The following XRCC4 variants were observed in gnomAD, a reference collection of about 807,000 sequenced individuals.
XRCC4 encodes DNA repair protein XRCC4.
In XRCC4, 28 loss-of-function variants were observed where a neutral mutation model predicts 39.1. That is an observed-to-expected ratio of 0.72 (90% confidence interval 0.53 to 0.98). The LOEUF is 0.98. Among genes scored for constraint, XRCC4 ranks in the 50% least tolerant of loss-of-function variants. The pLI, the probability that XRCC4 is intolerant of heterozygous loss-of-function variation, is 0.00. For missense variants in XRCC4, 350 were observed against 376.4 expected, an observed-to-expected ratio of 0.93 and a Z score of 0.58; for synonymous variants, 123 against 126.4, an observed-to-expected ratio of 0.97 and a Z score of 0.18.
intron 6 of XRCC4, among the ~76,000 whole-genome samples, chr5:83,234,296 TG>T (rs1752607614): frequency 6.6e-6 from 1 of 152,222 alleles, no homozygotes; most frequent in Non-Finnish European, 1.5e-5. Context: ...ATTATATAAG[TG>T]GCTTACTGCT....
At chr5:83,172,374 T>C (rs1419940177) in intron 3 of XRCC4, among the ~76,000 whole-genome samples, 1 of 152,160 alleles carries the variant, frequency 6.6e-6, no homozygotes, top group Non-Finnish European at 1.5e-5. Flanking sequence ...CTGTGAATCT[T>C]TAAGGTCTTT....
chr5:83,315,818 A>G (rs915393090), intron 7 of XRCC4, among the ~76,000 whole-genome samples: 2 of 152,164 alleles, frequency 1.3e-5, no homozygotes, highest in Non-Finnish European at 1.5e-5. Context: ...TGATGGATAT[A>G]TACAAAGAAG....
the XRCC4 span, among the ~76,000 whole-genome samples, chr5:83,366,582 G>C: frequency 1.5e-4 from 23 of 152,038 alleles, no homozygotes; most frequent in Non-Finnish European, 3.1e-4. Flanking sequence ...ATGCCTTCTT[G>C]GCACACTCAA....
At chr5:83,124,066 C>T (rs1292771936) in intron 3 of XRCC4, among the ~76,000 whole-genome samples, 1 of 151,994 alleles carries the variant, frequency 6.6e-6, no homozygotes, top group Non-Finnish European at 1.5e-5. Flanking sequence ...GACTTTGGTA[C>T]AATATTATTA....
intron 3 of XRCC4, among the ~76,000 whole-genome samples, chr5:83,128,419 T>A (rs1167077212): frequency 6.6e-6 from 1 of 152,196 alleles, no homozygotes; most frequent in Non-Finnish European, 1.5e-5. Flanking sequence ...TTGTGAATAA[T>A]GCCGCAATAA....
chr5:83,187,189 C>T lies in XRCC4; in HGVS notation c.316-8581C>T, dbSNP rs1321717812. On this transcript the variant is annotated intron_variant, in intron 3 of 7. Coordinates refer to ENST00000396027, the MANE Select transcript of XRCC4 (RefSeq NM_003401.5). Reference sequence around the variant, plus strand: ...CGATCTCCTGACCTCATGATCCGCCCGCCTCTGCCTCCCAAAGTGCTGGGA... The same window carrying T: ...CGATCTCCTGACCTCATGATCCGCCTGCCTCTGCCTCCCAAAGTGCTGGGA... Among the ~76,000 whole-genome samples the T allele has an allele frequency of 1.1e-3, 53 of 46,220 alleles. 17 individuals carry two copies. Among genetic ancestry groups the T allele is most frequent in the African/African-American group, 5.3e-3 (52 of 9,872 alleles). 30.3% of individuals were successfully genotyped at this position (46,220 alleles called of 152,430 possible). A position where few individuals can be genotyped will look rare whatever the true frequency, so the allele number is the denominator to read the frequency against.
intron 1 of XRCC4, among the ~76,000 whole-genome samples, chr5:83,100,950 A>C (rs17205706): frequency 6.6e-6 from 1 of 152,110 alleles, no homozygotes; most frequent in Non-Finnish European, 1.5e-5. Context: ...ACATCTAGGC[A>C]AAGGACCTTA....
At chr5:83,108,799 TAATGCA>T (rs1328278620) in intron 2 of XRCC4, among the ~76,000 whole-genome samples, 2 of 151,628 alleles carry the variant, frequency 1.3e-5, no homozygotes, top group Admixed American at 1.3e-4. Flanking sequence ...CTTTTTAACA[TAATGCA>T]AACACAAAAT....
At chr5:83,198,390 G>C (rs1009122556) in intron 4 of XRCC4, among the ~76,000 whole-genome samples, 12 of 152,038 alleles carry the variant, frequency 7.9e-5, no homozygotes, top group African/African-American at 2.9e-4. Context: ...TATTATATGA[G>C]AATAAAATAG....
intron 7 of XRCC4, among the ~76,000 whole-genome samples, chr5:83,275,461 A>AT (rs1754295698): frequency 6.6e-6 from 1 of 151,368 alleles, no homozygotes; most frequent in East Asian, 1.9e-4. Context: ...CGCCCGGCTA[A>AT]TTTTTTTGTA....
chr5:83,111,501 T>C (rs1052265012), intron 3 of XRCC4, among the ~76,000 whole-genome samples: 6 of 152,006 alleles, frequency 3.9e-5, no homozygotes, highest in African/African-American at 1.4e-4. Context: ...GATCAGAAGT[T>C]TTAGGCCATC....
rs767352073 is a variant in XRCC4 at position 83,104,979 on chromosome 5, A to G, written c.60A>G (p.Leu20=). The G allele has an allele frequency of 2.5e-6, 4 of 1,613,574 alleles. No individual in the cohort carries two copies. The highest frequency in any genetic ancestry group is 2.2e-5 in the East Asian group (1 of 44,762). ...LVSEPSITHF[L]QVSWEKTLES... ...CTGAACCCAGTATAACTCATTTTCT[A>G]CAAGTATCTTGGGAGAAAACACTGG... Residue 20 remains leucine (L), a synonymous_variant, in exon 2 of 8, where the codon CTA becomes CTG. Transcript: ENST00000396027.
intron 7 of XRCC4, among the ~76,000 whole-genome samples, chr5:83,264,781 A>G (rs1753897053): frequency 6.6e-6 from 1 of 152,168 alleles, no homozygotes. Context: ...TGGGAGGAAA[A>G]TAATATCTTT....
intron 1 of XRCC4, among the ~76,000 whole-genome samples, chr5:83,079,812 G>A (rs1311768914): frequency 1.3e-5 from 2 of 152,158 alleles, no homozygotes; most frequent in South Asian, 2.1e-4. Flanking sequence ...GGGATTACAG[G>A]TGTAGGCCAC....
intron 6 of XRCC4, among the ~76,000 whole-genome samples, chr5:83,206,818 T>C (rs1214069839): frequency 6.6e-6 from 1 of 151,928 alleles, no homozygotes; most frequent in Non-Finnish European, 1.5e-5. Context: ...AAGGGACAAG[T>C]AGTAGATTAG....
chr5:83,281,944 GACA>G (rs1276860270), intron 7 of XRCC4, among the ~76,000 whole-genome samples: 1 of 152,176 alleles, frequency 6.6e-6, no homozygotes, highest in East Asian at 1.9e-4. Context: ...ATTGTCCAAA[GACA>G]ACAAAAAGCT....
rs182764869 is a variant in XRCC4 at position 83,335,155 on chromosome 5, A to G, written c.894-17976A>G. 4.7e-4 allele frequency among the ~76,000 whole-genome samples: 72 copies of G among 152,094 alleles called. 2 individuals carry two copies. The highest frequency in any genetic ancestry group is 4.4e-3 in the Admixed American group (67 of 15,270). On this transcript the variant is annotated intron_variant, in intron 7 of 7. Coordinates refer to ENST00000396027, the MANE Select transcript of XRCC4 (RefSeq NM_003401.5). ...TTGGCCTGTTAACCCACCCTACCTA[A>G]GTTTTAGATATTTGCATTGGGTTTG...
chr5:83,116,620 T>G (rs1221207195), intron 3 of XRCC4, among the ~76,000 whole-genome samples: 1,661 of 133,644 alleles, frequency 0.012, 73 homozygotes, highest in African/African-American at 0.038. Flanking sequence ...TTTTTTTTTT[T>G]TTTTTTTTTT....
chr5:83,128,905 T>C (rs1747412927), intron 3 of XRCC4, among the ~76,000 whole-genome samples: 1 of 152,112 alleles, frequency 6.6e-6, no homozygotes, highest in Non-Finnish European at 1.5e-5. Context: ...ATTGTAGAAA[T>C]TTTCTCCCAT....
Sources: gnomAD v4.1 joint callset for allele counts (sites outside exome capture counted in the v4.1 genomes callset) on GRCh38, gnomAD v4.1.1 for gene constraint, MANE v1.5 for transcripts, NCBI Gene and HGNC (gene_info 2026-07-23, HGNC 2026-07-21) for gene names.